The following DCHS2 variants were observed in gnomAD, a reference collection of about 807,000 sequenced individuals.
DCHS2 encodes the protein protocadherin-23.
A neutral mutation model predicts 182.4 loss-of-function variants in DCHS2; 142 were observed. That is an observed-to-expected ratio of 0.78 (90% CI 0.68 to 0.89). The LOEUF is 0.89. DCHS2 is among the 40% of genes least tolerant of loss of function. The probability of loss-of-function intolerance (pLI) is 0.00; values close to 1 mark genes in which losing one functional copy is unlikely to be tolerated. For missense variants in DCHS2, 4,319 were observed against 4,198.6 expected (o/e 1.03, Z -0.79); for synonymous variants, 1,740 against 1,663.3 (o/e 1.05, Z -1.12).
chr4:154,345,479 G>C (rs558789675), intron 3 of DCHS2, among the ~76,000 whole-genome samples: 1 of 152,204 alleles, frequency 6.6e-6, no homozygotes, highest in Non-Finnish European at 1.5e-5. Flanking sequence ...TTTGACCAAC[G>C]TCACCTTGTT....
intron 1 of DCHS2, among the ~76,000 whole-genome samples, chr4:154,385,522 T>G (rs1184271645): frequency 6.6e-6 from 1 of 152,104 alleles, no homozygotes; most frequent in Non-Finnish European, 1.5e-5. Context: ...ATGGTTGAAC[T>G]CCATCTCCAG....
chr4:154,296,414 G>A (rs1578929565), intron 13 of DCHS2, among the ~76,000 whole-genome samples: 1 of 152,138 alleles, frequency 6.6e-6, no homozygotes, highest in Admixed American at 6.6e-5. Context: ...CTGCTGTGGG[G>A]CCAGCCTGTG....
chr4:154,286,631 T>C (rs981289321), intron 13 of DCHS2, among the ~76,000 whole-genome samples: 5 of 151,762 alleles, frequency 3.3e-5, no homozygotes, highest in Admixed American at 6.6e-5. Context: ...ATTAGTGAGC[T>C]TGAAGGCAGG....
intron 2 of DCHS2, among the ~76,000 whole-genome samples, chr4:154,367,136 G>T (rs1254519340): frequency 1.3e-5 from 2 of 152,226 alleles, no homozygotes; most frequent in Admixed American, 1.3e-4. Context: ...AGGAAGGGCT[G>T]AGCTCAGAGA....
chr4:154,440,136 C>G (rs538319025), intron 1 of DCHS2, among the ~76,000 whole-genome samples: 166 of 152,306 alleles, frequency 1.1e-3, no homozygotes, highest in South Asian at 2.7e-3. Context: ...CCAAGTGCTT[C>G]ACTTTCCTTA....
intron 16 of DCHS2, among the ~76,000 whole-genome samples, chr4:154,251,086 T>C (rs1383708135): frequency 6.6e-6 from 1 of 152,206 alleles, no homozygotes; most frequent in Non-Finnish European, 1.5e-5. Context: ...TTGCTTTTCA[T>C]GAATTGTGTA....
chr4:154,346,225 T>C (rs1729355019), intron 3 of DCHS2, among the ~76,000 whole-genome samples: 2 of 152,036 alleles, frequency 1.3e-5, no homozygotes, highest in African/African-American at 4.8e-5. Context: ...AGCAGAAGAG[T>C]AATGTGGTGT....
chr4:154,304,632 A>AAAACAAAC (rs70947158), intron 12 of DCHS2, 37 bp downstream of exon 12: 73,472 of 1,495,500 alleles, frequency 0.049, 1,862 homozygotes, highest in Non-Finnish European at 0.053. Context: ...CTGTCTTAAA[A>AAAACAAAC]AAACAAACAA....
intron 1 of DCHS2, among the ~76,000 whole-genome samples, chr4:154,449,070 G>A (rs1459052749): frequency 2.0e-5 from 3 of 152,076 alleles, no homozygotes; most frequent in Non-Finnish European, 4.4e-5. Flanking sequence ...CTATATTGAG[G>A]AAATAGCACC....
chr4:154,428,952 T>C (rs1049045416), intron 1 of DCHS2, among the ~76,000 whole-genome samples: 1 of 139,248 alleles, frequency 7.2e-6, no homozygotes, highest in African/African-American at 2.6e-5. Flanking sequence ...AAGCTACTGA[T>C]AGAGAATCAA....
intron 1 of DCHS2, among the ~76,000 whole-genome samples, chr4:154,484,317 C>T (rs1429902592): frequency 6.6e-6 from 1 of 152,162 alleles, no homozygotes; most frequent in Non-Finnish European, 1.5e-5. Flanking sequence ...TCTTTCTATT[C>T]TTTCTACTAA....
chr4:154,386,488 C>CT (rs11419432), intron 1 of DCHS2, among the ~76,000 whole-genome samples: 92,778 of 151,868 alleles, frequency 0.61, 28,841 homozygotes, highest in Middle Eastern at 0.69. Context: ...TCTGTCTCAC[C>CT]TTTTTTTTCT....
chr4:154,472,687 T>C (rs1379004371), intron 1 of DCHS2, among the ~76,000 whole-genome samples: 1 of 152,112 alleles, frequency 6.6e-6, no homozygotes, highest in Non-Finnish European at 1.5e-5. Context: ...CATAAAGACT[T>C]TGTAAAACTG....
chr4:154,355,280 C>T (rs1729807821), intron 3 of DCHS2, among the ~76,000 whole-genome samples: 2 of 152,208 alleles, frequency 1.3e-5, no homozygotes, highest in South Asian at 2.1e-4. Context: ...TGATCATCTT[C>T]TCTGCTCATT....
intron 12 of DCHS2, among the ~76,000 whole-genome samples, chr4:154,301,688 G>T (rs1432543677): frequency 1.3e-5 from 2 of 152,066 alleles, no homozygotes; most frequent in Middle Eastern, 3.4e-3. Flanking sequence ...TAGTAGAGAC[G>T]AGGTTTCTCC....
intron 2 of DCHS2, among the ~76,000 whole-genome samples, chr4:154,372,649 G>A (rs906646952): frequency 6.6e-6 from 1 of 152,140 alleles, no homozygotes; most frequent in East Asian, 1.9e-4. Context: ...CAAAAAATTA[G>A]ATATAAGCAT....
intron 1 of DCHS2, among the ~76,000 whole-genome samples, chr4:154,402,457 T>G (rs1194265653): frequency 6.6e-6 from 1 of 152,200 alleles, no homozygotes; most frequent in Non-Finnish European, 1.5e-5. Context: ...TATAGATCAA[T>G]TTGGGAAGTA....
intron 3 of DCHS2, among the ~76,000 whole-genome samples, chr4:154,350,070 C>T (rs1034252456): frequency 6.6e-6 from 1 of 152,170 alleles, no homozygotes; most frequent in Non-Finnish European, 1.5e-5. Context: ...TGAAACTTCT[C>T]TCAGCAACTG....
At chr4:154,405,973 C>A (rs1732383087) in intron 1 of DCHS2, among the ~76,000 whole-genome samples, 1 of 152,218 alleles carries the variant, frequency 6.6e-6, no homozygotes, top group Admixed American at 6.5e-5. Context: ...TGCTTGAAGG[C>A]ATAATCCTTA....
Sources: allele counts gnomAD v4.1 joint callset (sites outside exome capture counted in the v4.1 genomes callset), GRCh38; gene constraint gnomAD v4.1.1; transcripts MANE v1.5; gene names NCBI Gene and HGNC (gene_info 2026-07-23, HGNC 2026-07-21).